FCSK: variants seen among roughly 807,000 people sequenced by gnomAD.
FCSK encodes the protein L-fucose kinase.
A neutral mutation model predicts 122.5 loss-of-function variants in FCSK; 123 were observed. The ratio of observed to expected loss-of-function variants is 1.00; its 90% confidence interval spans 0.87 to 1.17. The LOEUF (loss-of-function observed/expected upper bound fraction) is 1.17, where lower values mean the gene tolerates loss of function less well. FCSK is among the 50% of genes most tolerant of loss of function. The pLI is 0.00. For synonymous variants in FCSK, 620 were observed against 625.5 expected, an observed-to-expected ratio of 0.99 and a Z score of 0.13; for missense variants, 1,366 against 1,450.4, an observed-to-expected ratio of 0.94 and a Z score of 0.95.
At chr16:70,474,408 G>A in intron 16 of FCSK, 69 bp downstream of exon 16, 1 of 1,568,570 alleles carries the variant, frequency 6.4e-7, no homozygotes, top group Non-Finnish European at 8.6e-7. Context: ...CCCTGATGGA[G>A]GAAACCCAGA....
At chr16:70,464,823 A>G (rs936810316) in intron 3 of FCSK, among the ~76,000 whole-genome samples, 7 of 152,026 alleles carry the variant, frequency 4.6e-5, no homozygotes, top group Non-Finnish European at 1.0e-4. Context: ...GGCTGCAGTG[A>G]GCTGGGATCA....
intron 1 of FCSK, chr16:70,458,043 A>C (rs1364411992): frequency 6.6e-6 from 1 of 150,440 alleles, no homozygotes; most frequent in Non-Finnish European, 1.5e-5. Context: ...AGATAATAAT[A>C]CTTATCTTGC....
Position 70,463,254 on chromosome 16 carries a change from G to A in FCSK, c.64G>A (p.Val22Ile), listed in dbSNP as rs756863195. ...CCTGACCTGCCAGTACAAGGACAGT[G>A]TCCAGGTCTTTCAGAGAGGTAGGGG... is the stretch of plus-strand genomic sequence containing the variant. ...IILTCQYKDS[V>I]QVFQRELEVR... The change falls in exon 2 of 24, where the codon GTC becomes ATC. Residue 22 changes from valine (V) to isoleucine (I), a missense_variant. Coordinates refer to ENST00000288078, the MANE Select transcript of FCSK (RefSeq NM_145059.3). 3.7e-6 allele frequency: 6 copies of A among 1,613,844 alleles called. No homozygotes were observed. The South Asian group carries it at 6.6e-5, about 18-fold the overall frequency.
At chr16:70,472,693 G>T in intron 14 of FCSK, 88 bp downstream of exon 14, 4 of 1,107,388 alleles carry the variant, frequency 3.6e-6, no homozygotes, top group Non-Finnish European at 2.6e-6. Context: ...CTGCCCCAGA[G>T]CAGCACGGGC....
chr16:70,463,299 C>A, intron 2 of FCSK, 27 bp downstream of exon 2: 1 of 1,585,686 alleles, frequency 6.3e-7, no homozygotes, highest in South Asian at 1.1e-5. Context: ...CCCACCTTGC[C>A]CCTAATGGAG....
intron 23 of FCSK, 31 bp downstream of exon 23, chr16:70,479,434 C>T (rs2151734555): frequency 6.3e-7 from 1 of 1,583,236 alleles, no homozygotes. Flanking sequence ...GGTAAAGAGA[C>T]CTCTGGGGGC....
At chr16:70,472,865 C>G in intron 14 of FCSK, 118 bp from the exon 15 acceptor site, 10 of 1,317,936 alleles carry the variant, frequency 7.6e-6, no homozygotes, top group Non-Finnish European at 9.2e-6. Flanking sequence ...GAATTGCCCA[C>G]TTATGCTACC....
chr16:70,466,693 G>A (rs1050643428), intron 5 of FCSK, 189 bp from the exon 6 acceptor site: 13 of 591,052 alleles, frequency 2.2e-5, no homozygotes, highest in South Asian at 8.2e-5. Context: ...AGACCCTGTC[G>A]CAATAACAAC....
Position 70,479,641 on chromosome 16 carries a change from G to A in FCSK, c.3216G>A (p.Leu1072=). ...EVDTQGLSLK[L]LGTEASTCCP... The stretch of plus-strand genomic sequence containing the variant: ...ACACTCAGGGCCTGAGCCTGAAGCT[G>A]CTGGGGACCGAGGCCTCAACCTGTT... The change falls in exon 24 of 24, where the codon CTG becomes CTA. Residue 1072 remains leucine, a synonymous_variant. Coordinates refer to ENST00000288078, the MANE Select transcript of FCSK (RefSeq NM_145059.3). The A allele has an allele frequency of 6.2e-7, 1 of 1,614,114 alleles. No individual in the cohort carries two copies. The highest frequency in any genetic ancestry group is 1.7e-5 in the Admixed American group (1 of 60,018).
rs914917806 is a variant in FCSK, at chr16:70,470,492, G to A, written c.1068+66G>A. On this transcript the variant is annotated intron_variant, in intron 11 of 23. Transcript: ENST00000288078. ...GGGTCAGGTGGGATGTGGATTCCCG[G>A]GAAGAAAATAGCCGGCACTTGGAAC... is the stretch of plus-strand genomic sequence containing the variant. 3.5e-5 allele frequency: 35 copies of A among 997,400 alleles called. No homozygotes were observed. In the African/African-American group the frequency reaches 4.8e-4, roughly 14 times the overall value. The allele number at this position is 997,400 out of a possible 1,614,324, so 61.8% of individuals were successfully genotyped here. A position where few individuals can be genotyped will look rare whatever the true frequency, so the allele number is the denominator to read the frequency against.
intron 20 of FCSK, 88 bp from the exon 21 acceptor site, chr16:70,478,184 C>T: frequency 7.3e-7 from 1 of 1,368,844 alleles, no homozygotes; most frequent in Admixed American, 1.9e-5. Flanking sequence ...ACACTGGTCC[C>T]AGCAAGGGGT....
In FCSK at chr16:70,475,577, T is replaced by A; in HGVS notation, c.2522-71T>A. ...TGATCCCCCTTCCTGGCCTCTGCCC[T>A]TAGACGGAGTCAGGCAGGCCTGGGC... is the stretch of plus-strand genomic sequence containing the variant. On this transcript the variant is annotated intron_variant, in intron 19 of 23. Transcript: ENST00000288078. 3 of 1,580,256 alleles carry A rather than the reference T, an allele frequency of 1.9e-6. No homozygotes were observed. The African/African-American group carries it at 4.0e-5, about 21-fold the overall frequency.
chr16:70,458,966 A>T (rs8061243), intron 1 of FCSK, among the ~76,000 whole-genome samples: 18,254 of 151,034 alleles, frequency 0.12, 3,638 homozygotes, highest in African/African-American at 0.41. Context: ...ATAAATTAAT[A>T]AAAAAAAAGG....
At position 70,467,387 on chromosome 16, in the gene FCSK, C is replaced by T. The variant is rs1364933691; in HGVS notation, c.498C>T (p.Asp166=). The change falls in exon 7 of 24, where the codon GAC becomes GAT. Residue 166 remains aspartate, a synonymous_variant. Coordinates refer to ENST00000288078, the MANE Select transcript of FCSK (RefSeq NM_145059.3). ...SVPANPGISW[D]SFRGARVIAL... ...CCCACCCCACAGGTATCAGCTGGGA[C>T]AGCTTCCGGGGAGCCAGAGTGATCG... 6.2e-7 allele frequency: 1 copy of T among 1,609,166 alleles called. No individual in the cohort carries two copies. Among genetic ancestry groups the T allele is most frequent in the Non-Finnish European group, 8.5e-7 (1 of 1,178,192 alleles).
chr16:70,475,916 A>C (rs1597638077), intron 20 of FCSK, 149 bp downstream of exon 20: 1 of 822,514 alleles, frequency 1.2e-6, no homozygotes, highest in Non-Finnish European at 1.7e-6. Context: ...AGTCACTTTG[A>C]CCTTCTCTGG....
At chr16:70,461,240 C>T (rs563313212) in intron 1 of FCSK, among the ~76,000 whole-genome samples, 2 of 152,238 alleles carry the variant, frequency 1.3e-5, no homozygotes, top group East Asian at 1.9e-4. Flanking sequence ...GTGCTCAGGG[C>T]GCAGCTCAGC....
intron 9 of FCSK, 80 bp downstream of exon 9, chr16:70,469,048 T>G (rs2048523133): frequency 6.2e-7 from 1 of 1,604,890 alleles, no homozygotes. Flanking sequence ...ACTTCCCCTC[T>G]CTGGGGCAGA....
chr16:70,476,510 T>C (rs1267059228), intron 20 of FCSK, among the ~76,000 whole-genome samples: 1 of 150,610 alleles, frequency 6.6e-6, no homozygotes, highest in Non-Finnish European at 1.5e-5. Flanking sequence ...ACAATGACTA[T>C]GATCTAATGA....
chr16:70,463,635 G>A lies in FCSK; in HGVS notation c.95G>A (p.Arg32Gln), dbSNP rs747072933. The change falls in exon 3 of 24, where the codon CGG becomes CAG. Residue 32 changes from arginine (R) to glutamine (Q), a missense_variant. By Grantham distance (43) the Arg-to-Gln change is conservative. Transcript: ENST00000288078. Reference sequence around the variant, plus strand: ...CTTCTGACCCTAGAACTGGAAGTGCGGCAGAAGCGGGAGCAGATCCCTGCT... The same window carrying A: ...CTTCTGACCCTAGAACTGGAAGTGCAGCAGAAGCGGGAGCAGATCCCTGCT... The part of the protein sequence containing the change: ...VQVFQRELEV[R>Q]QKREQIPAGT... 5.2e-5 allele frequency: 84 copies of A among 1,613,430 alleles called. No homozygotes were observed. Among genetic ancestry groups the A allele is most frequent in the Non-Finnish European group, 6.8e-5 (80 of 1,180,032 alleles).
Sources: gnomAD v4.1 joint callset for allele counts (sites outside exome capture counted in the v4.1 genomes callset) on GRCh38, gnomAD v4.1.1 for gene constraint, MANE v1.5 for transcripts, NCBI Gene and HGNC (gene_info 2026-07-23, HGNC 2026-07-21) for gene names.